Variants in UBE2E2 observed in about 807,000 individuals in gnomAD.
UBE2E2 encodes the protein ubiquitin conjugating enzyme E2 E2, also known as ubiquitin-conjugating enzyme E2 E2.
A neutral mutation model predicts 24.7 loss-of-function variants in UBE2E2; 6 were observed. The ratio of observed to expected loss-of-function variants is 0.24; its 90% CI spans 0.13 to 0.48. The LOEUF (loss-of-function observed/expected upper bound fraction) is 0.48, where lower values mean the gene tolerates loss of function less well. Ranked by LOEUF, UBE2E2 falls within the 20% of genes least tolerant of loss-of-function variation. The probability of loss-of-function intolerance (pLI) is 0.99; values close to 1 mark genes in which losing one functional copy is unlikely to be tolerated. For missense variants in UBE2E2, 169 were observed against 245.0 expected, an observed-to-expected ratio of 0.69 and a Z score of 2.07; for synonymous variants, 104 against 83.6, an observed-to-expected ratio of 1.24 and a Z score of -1.33.
intron 4 of UBE2E2, among the ~76,000 whole-genome samples, chr3:23,507,271 C>T (rs1220073563): frequency 6.6e-6 from 1 of 152,146 alleles, no homozygotes; most frequent in Admixed American, 6.5e-5. Flanking sequence ...TATAAACTTC[C>T]TCAAACTTCC....
At chr3:23,510,477 C>T (rs1376850380) in intron 4 of UBE2E2, among the ~76,000 whole-genome samples, 1 of 151,980 alleles carries the variant, frequency 6.6e-6, no homozygotes, top group East Asian at 1.9e-4. Flanking sequence ...CTTGGTGGCA[C>T]ACGCCCGTAA....
chr3:23,402,702 C>T (rs1027561030), intron 3 of UBE2E2, among the ~76,000 whole-genome samples: 8 of 152,162 alleles, frequency 5.3e-5, no homozygotes, highest in African/African-American at 1.9e-4. Context: ...ACAATAAATA[C>T]TCTAGTTATA....
In UBE2E2 at chr3:23,568,791, AGACTAAT is replaced by A. The variant is rs1412194540; in HGVS notation, c.509-20941_509-20935del. ...AAATACCTGGATACCTGGTGGGTAT[AGACTAAT>A]GCAGAATAAGCTATTCTTTAAAATC... On this transcript the variant is annotated intron_variant, in intron 5 of 5. Coordinates refer to ENST00000396703, the MANE Select transcript of UBE2E2 (RefSeq NM_152653.4). Among the ~76,000 whole-genome samples the A allele has an allele frequency of 2.5e-4, 38 of 150,140 alleles. No homozygotes were observed. The East Asian group carries it at 7.2e-3, about 28-fold the overall frequency.
intron 3 of UBE2E2, among the ~76,000 whole-genome samples, chr3:23,400,450 G>A (rs938891435): frequency 8.5e-5 from 13 of 152,108 alleles, no homozygotes; most frequent in Admixed American, 8.5e-4. Flanking sequence ...GACTACAGGT[G>A]CATGCCACTG....
intron 5 of UBE2E2, among the ~76,000 whole-genome samples, chr3:23,535,330 G>A (rs370465025): frequency 1.3e-5 from 2 of 152,156 alleles, no homozygotes; most frequent in African/African-American, 4.8e-5. Context: ...CCCACAATAG[G>A]TGACCGATAA....
intron 4 of UBE2E2, among the ~76,000 whole-genome samples, chr3:23,521,025 A>G (rs1575682328): frequency 6.6e-6 from 1 of 152,194 alleles, no homozygotes; most frequent in Non-Finnish European, 1.5e-5. Context: ...CATCACTTCT[A>G]GCTAGTTTGA....
intron 3 of UBE2E2, among the ~76,000 whole-genome samples, chr3:23,487,740 C>A (rs1251840857): frequency 5.9e-5 from 9 of 152,184 alleles, no homozygotes; most frequent in Non-Finnish European, 1.2e-4. Flanking sequence ...CGCTTCATCT[C>A]TGGATCTGAA....
chr3:23,527,198 C>G (rs1247114202), intron 4 of UBE2E2, among the ~76,000 whole-genome samples: 1 of 152,148 alleles, frequency 6.6e-6, no homozygotes, highest in Non-Finnish European at 1.5e-5. Flanking sequence ...GAAACTAGAT[C>G]ACATTGCTAG....
At chr3:23,249,461 T>C (rs771809136) in intron 3 of UBE2E2, among the ~76,000 whole-genome samples, 1 of 152,140 alleles carries the variant, frequency 6.6e-6, no homozygotes, top group African/African-American at 2.4e-5. Context: ...ATTAAAAGCT[T>C]CTTAGTATGT....
intron 3 of UBE2E2, among the ~76,000 whole-genome samples, chr3:23,484,046 C>T (rs1699311194): frequency 6.6e-6 from 1 of 152,178 alleles, no homozygotes; most frequent in African/African-American, 2.4e-5. Flanking sequence ...CACGGTTCTC[C>T]AGAGTACTTT....
At chr3:23,476,818 G>A (rs1262471604) in intron 3 of UBE2E2, among the ~76,000 whole-genome samples, 3 of 152,022 alleles carry the variant, frequency 2.0e-5, no homozygotes, top group South Asian at 4.1e-4. Flanking sequence ...AAGCTGTCAC[G>A]AGTTACTGCT....
intron 3 of UBE2E2, among the ~76,000 whole-genome samples, chr3:23,303,572 T>C (rs111529133): frequency 1.3e-5 from 2 of 152,198 alleles, no homozygotes; most frequent in African/African-American, 4.8e-5. Flanking sequence ...TGATAATGTT[T>C]GAATTGAGAA....
intron 3 of UBE2E2, among the ~76,000 whole-genome samples, chr3:23,408,085 G>A (rs1272987359): frequency 1.3e-5 from 2 of 152,110 alleles, no homozygotes; most frequent in Non-Finnish European, 2.9e-5. Flanking sequence ...CATCATGATA[G>A]TGTTTTTGTA....
At position 23,305,520 on chromosome 3, in the gene UBE2E2, G is replaced by A. The variant is rs143776402; in HGVS notation, c.227+88208G>A. Among the ~76,000 whole-genome samples, 202 of 152,282 alleles carry A rather than the reference G, an allele frequency of 1.3e-3. 1 individual carries two copies. Among genetic ancestry groups the A allele is most frequent in the African/African-American group, 4.4e-3 (184 of 41,558 alleles). Reference sequence around the variant, plus strand: ...ACCTGCTGTTGTTTTTGCATCAGCAGTATAAATGTCCACTCAGTGAAAATG... The same window carrying A: ...ACCTGCTGTTGTTTTTGCATCAGCAATATAAATGTCCACTCAGTGAAAATG... On this transcript the variant is annotated intron_variant, in intron 3 of 5. Transcript: ENST00000396703.
At chr3:23,387,969 C>T (rs1036798659) in intron 3 of UBE2E2, among the ~76,000 whole-genome samples, 1 of 152,006 alleles carries the variant, frequency 6.6e-6, no homozygotes, top group Non-Finnish European at 1.5e-5. Flanking sequence ...ATGAAAACAA[C>T]CAAATGACTG....
At chr3:23,575,533 A>G (rs907272693) in intron 5 of UBE2E2, among the ~76,000 whole-genome samples, 2 of 152,204 alleles carry the variant, frequency 1.3e-5, no homozygotes, top group African/African-American at 4.8e-5. Context: ...AGAAATACAA[A>G]TGGTGAACAA....
intron 3 of UBE2E2, among the ~76,000 whole-genome samples, chr3:23,377,840 A>G (rs1417699320): frequency 2.6e-5 from 4 of 152,182 alleles, no homozygotes; most frequent in African/African-American, 9.7e-5. Flanking sequence ...TTGTTTTTTA[A>G]TCTTGATATT....
intron 3 of UBE2E2, among the ~76,000 whole-genome samples, chr3:23,410,805 A>G (rs1697479381): frequency 6.6e-6 from 1 of 152,162 alleles, no homozygotes; most frequent in Non-Finnish European, 1.5e-5. Context: ...GTTAACAAGC[A>G]ATTCTGTCTG....
chr3:23,360,334 C>G (rs1696078742), intron 3 of UBE2E2, among the ~76,000 whole-genome samples: 1 of 152,122 alleles, frequency 6.6e-6, no homozygotes, highest in African/African-American at 2.4e-5. Context: ...CTCCCTATTA[C>G]CTTCCTTCCT....
Sources: gnomAD v4.1 joint callset for allele counts (sites outside exome capture counted in the v4.1 genomes callset) on GRCh38, gnomAD v4.1.1 for gene constraint, MANE v1.5 for transcripts, NCBI Gene and HGNC (gene_info 2026-07-23, HGNC 2026-07-21) for gene names.